Variants in AKAP19 observed in about 807,000 individuals in gnomAD.
The protein encoded by AKAP19 is small A-kinase anchoring protein.
chr2:190,073,956 C>A, the AKAP19 span, among the ~76,000 whole-genome samples: 1 of 151,406 alleles, frequency 6.6e-6, no homozygotes, highest in Non-Finnish European at 1.5e-5. Flanking sequence ...GAGGCTGAAT[C>A]GCTTGAACCT....
At chr2:189,993,232 C>T in the AKAP19 span, among the ~76,000 whole-genome samples, 3 of 152,076 alleles carry the variant, frequency 2.0e-5, no homozygotes, top group Non-Finnish European at 4.4e-5. Flanking sequence ...TAAATGGATG[C>T]TGGATTTTGT....
At chr2:190,139,673 C>T in the AKAP19 span, among the ~76,000 whole-genome samples, 1 of 152,034 alleles carries the variant, frequency 6.6e-6, no homozygotes, top group Non-Finnish European at 1.5e-5. Context: ...ACAAAAACAG[C>T]AGCATAGGGG....
chr2:190,059,788 T>G, the AKAP19 span, among the ~76,000 whole-genome samples: 1 of 151,926 alleles, frequency 6.6e-6, no homozygotes, highest in Non-Finnish European at 1.5e-5. Flanking sequence ...CACTTTATAT[T>G]TCATTCCCAA....
At chr2:190,051,030 G>C in the AKAP19 span, among the ~76,000 whole-genome samples, 1 of 152,198 alleles carries the variant, frequency 6.6e-6, no homozygotes, top group Admixed American at 6.5e-5. Flanking sequence ...GAGGCTTCAA[G>C]TAAAAGCTGG....
the AKAP19 span, among the ~76,000 whole-genome samples, chr2:189,886,167 G>A: frequency 6.6e-6 from 1 of 152,026 alleles, no homozygotes; most frequent in Non-Finnish European, 1.5e-5. Context: ...TGGAGATTGG[G>A]GATACCAGTA....
At chr2:190,099,980 T>C in the AKAP19 span, among the ~76,000 whole-genome samples, 3 of 152,222 alleles carry the variant, frequency 2.0e-5, no homozygotes, top group Non-Finnish European at 4.4e-5. Flanking sequence ...CAGAATCTTA[T>C]GCCCAAACTG....
the AKAP19 span, among the ~76,000 whole-genome samples, chr2:190,131,713 C>G: frequency 6.6e-6 from 1 of 152,104 alleles, no homozygotes; most frequent in African/African-American, 2.4e-5. Flanking sequence ...AGGATCAAAC[C>G]TGTGGGATCT....
At chr2:190,129,523 A>C in the AKAP19 span, among the ~76,000 whole-genome samples, 2 of 151,806 alleles carry the variant, frequency 1.3e-5, no homozygotes, top group African/African-American at 4.9e-5. Context: ...TTTCAAAATA[A>C]CCAGCTCACA....
chr2:190,028,884 C>A, the AKAP19 span, among the ~76,000 whole-genome samples: 2 of 152,254 alleles, frequency 1.3e-5, no homozygotes, highest in East Asian at 3.9e-4. Flanking sequence ...TGAGCACTTT[C>A]ATTCTCTATT....
the AKAP19 span, chr2:190,057,288 C>A: frequency 6.2e-7 from 1 of 1,613,306 alleles, no homozygotes; most frequent in Admixed American, 1.7e-5. Flanking sequence ...CTACTACCAT[C>A]GCTGGAATTT....
the AKAP19 span, among the ~76,000 whole-genome samples, chr2:190,151,506 C>T: frequency 6.6e-6 from 1 of 152,176 alleles, no homozygotes; most frequent in Non-Finnish European, 1.5e-5. Flanking sequence ...TAATGGATTC[C>T]AGCTCCAACC....
the AKAP19 span, among the ~76,000 whole-genome samples, chr2:189,990,164 A>T: frequency 1.3e-5 from 2 of 152,186 alleles, no homozygotes; most frequent in Non-Finnish European, 2.9e-5. Flanking sequence ...CTCCAGTAAA[A>T]TGTTGATAGA....
the AKAP19 span, among the ~76,000 whole-genome samples, chr2:189,904,604 C>T: frequency 2.0e-5 from 3 of 151,994 alleles, no homozygotes; most frequent in Non-Finnish European, 4.4e-5. Context: ...TTTTTAAAGT[C>T]ACTTTTGTGG....
the AKAP19 span, among the ~76,000 whole-genome samples, chr2:190,054,542 C>A: frequency 1.1e-4 from 16 of 152,194 alleles, no homozygotes; most frequent in Non-Finnish European, 1.5e-4. Flanking sequence ...ATCAGAGTGA[C>A]CAGGCAACCT....
At chr2:189,950,659 A>G in the AKAP19 span, among the ~76,000 whole-genome samples, 1 of 152,216 alleles carries the variant, frequency 6.6e-6, no homozygotes, top group Non-Finnish European at 1.5e-5. Flanking sequence ...ATCACACTAC[A>G]TAAACAAATA....
At chr2:189,947,808 C>G in the AKAP19 span, among the ~76,000 whole-genome samples, 1 of 151,944 alleles carries the variant, frequency 6.6e-6, no homozygotes, top group Non-Finnish European at 1.5e-5. Context: ...TAGTGATTTC[C>G]GATTCTAACC....
At chr2:189,907,177 A>T in the AKAP19 span, among the ~76,000 whole-genome samples, 1 of 152,164 alleles carries the variant, frequency 6.6e-6, no homozygotes, top group Non-Finnish European at 1.5e-5. Context: ...ACTTTGTCAC[A>T]GTGAAATCCA....
the AKAP19 span, chr2:190,079,859 GT>G: frequency 5.3e-4 from 38 of 71,120 alleles, no homozygotes; most frequent in Non-Finnish European, 8.6e-4. Flanking sequence ...AATGAGGGGT[GT>G]GTGTGTGTGT....
chr2:190,181,654 G>A, the AKAP19 span, among the ~76,000 whole-genome samples: 1 of 152,168 alleles, frequency 6.6e-6, no homozygotes, highest in African/African-American at 2.4e-5. Context: ...TCTCTGGTCT[G>A]ACACCAGCCC....
Sources: gnomAD v4.1 joint callset for allele counts (sites outside exome capture counted in the v4.1 genomes callset) on GRCh38, gnomAD v4.1.1 for gene constraint, MANE v1.5 for transcripts, NCBI Gene and HGNC (gene_info 2026-07-23, HGNC 2026-07-21) for gene names.